CSDE1: variants seen among roughly 807,000 people sequenced by gnomAD.
The protein encoded by CSDE1 is cold shock domain containing E1.
In CSDE1, 17 loss-of-function variants were observed where a neutral mutation model predicts 89.3. The observed-to-expected ratio is 0.19, with a 90% confidence interval of 0.13 to 0.29. The LOEUF (loss-of-function observed/expected upper bound fraction) is 0.29, where lower values mean the gene tolerates loss of function less well. CSDE1 is among the 10% of genes least tolerant of loss of function. CSDE1 has a pLI of 1.00. For missense variants in CSDE1, 672 were observed against 984.2 expected, an observed-to-expected ratio of 0.68 and a Z score of 4.24; for synonymous variants, 322 against 332.8, an observed-to-expected ratio of 0.97 and a Z score of 0.35.
At chr1:114,733,254 G>A (rs956334999) in intron 9 of CSDE1, among the ~76,000 whole-genome samples, 7 of 152,002 alleles carry the variant, frequency 4.6e-5, no homozygotes, top group African/African-American at 1.2e-4. Context: ...TTGGCTGGGC[G>A]AGGTGGCTCA....
chr1:114,721,023 A>G (rs1363173368), intron 16 of CSDE1, among the ~76,000 whole-genome samples: 1 of 152,236 alleles, frequency 6.6e-6, no homozygotes, highest in African/African-American at 2.4e-5. Context: ...AATTTTAAGC[A>G]CTATGGGTTG....
chr1:114,752,595 A>C (rs900825517), intron 1 of CSDE1, among the ~76,000 whole-genome samples: 3 of 152,056 alleles, frequency 2.0e-5, no homozygotes, highest in Admixed American at 2.0e-4. Flanking sequence ...GAAGTCCATT[A>C]CCTCGCCTAA....
rs1660617618 is a variant in CSDE1 at position 114,739,761 on chromosome 1, C to G, written c.130G>C (p.Glu44Gln). 6.2e-7 allele frequency: 1 copy of G among 1,614,138 alleles called. No individual in the cohort carries two copies. Among genetic ancestry groups the G allele is most frequent in the Non-Finnish European group, 8.5e-7 (1 of 1,180,004 alleles). The change falls in exon 3 of 20, where the codon GAA (glutamate) becomes CAA (glutamine). Residue 44 changes from glutamate (E) to glutamine (Q), a missense_variant. Coordinates refer to ENST00000358528, the MANE Select transcript of CSDE1 (RefSeq NM_001007553.3). ...TGGAAGAAAAGTCTAGCTTGACGTT[C>G]TGAACACTGAATAAATCCGTAAGAG... The part of the protein sequence containing the change: ...LTSYGFIQCS[E>Q]RQARLFFHCS...
rs1159488845 is a variant in CSDE1, at chr1:114,737,963, T to G, written c.309A>C (p.Gln103His). ...EILPEERMNGQVVCAVPHNLE... is the reference protein window; with the variant it reads ...EILPEERMNGHVVCAVPHNLE... Reference sequence around the variant, plus strand: ...AACACAAAGCATCAAAGTCACTAACTTGTCCATTCATTCGTTCTTCAGGGA... The same window carrying G: ...AACACAAAGCATCAAAGTCACTAACGTGTCCATTCATTCGTTCTTCAGGGA... The change falls in exon 4 of 20, where the codon CAA becomes CAC. Residue 103 changes from glutamine (Q) to histidine (H), a missense_variant and splice_region_variant. Physicochemically the swap from Gln to His is conservative, Grantham distance 24. Transcript: ENST00000358528. 1 of 1,601,470 alleles carries G rather than the reference T, an allele frequency of 6.2e-7. No individual in the cohort carries two copies. Among genetic ancestry groups the G allele is most frequent in the Admixed American group, 1.7e-5 (1 of 60,014 alleles).
At position 114,733,834 on chromosome 1, in the gene CSDE1, G is replaced by A; in HGVS notation, c.735C>T (p.Val245=). The A allele has an allele frequency of 1.2e-6, 2 of 1,613,918 alleles. No homozygotes were observed. The highest frequency in any genetic ancestry group is 1.7e-6 in the Non-Finnish European group (2 of 1,179,894). Residue 245 remains valine (V), a synonymous_variant, in exon 9 of 20, where the codon GTC becomes GTT. Coordinates refer to ENST00000358528, the MANE Select transcript of CSDE1 (RefSeq NM_001007553.3). ...TGACTGTTCCTTGAGGCAATAGTCT[G>A]ACATCTGTTGCAACTTCTTTACCCT... ...DRNGKEVATD[V]RLLPQGTVIF...
At chr1:114,724,722 G>A (rs773043365) in intron 15 of CSDE1, among the ~76,000 whole-genome samples, 2 of 151,884 alleles carry the variant, frequency 1.3e-5, no homozygotes, top group Non-Finnish European at 2.9e-5. Context: ...ACATATCTTG[G>A]GGTTATTTTT....
At position 114,730,500 on chromosome 1, in the gene CSDE1, C is replaced by T. The variant is rs971164634; in HGVS notation, c.1191+8G>A. On this transcript the variant is annotated splice_region_variant and intron_variant, in intron 11 of 19. Coordinates refer to ENST00000358528, the MANE Select transcript of CSDE1 (RefSeq NM_001007553.3). ...AACACCTCCCAACTTTTCTCAGAAA[C>T]AACTCACAGGAACCACAGTAAACTC... is the stretch of plus-strand genomic sequence containing the variant. 1 of 1,613,138 alleles carries T rather than the reference C, an allele frequency of 6.2e-7. No individual in the cohort carries two copies.
chr1:114,736,469 C>CCCCT, intron 6 of CSDE1, among the ~76,000 whole-genome samples: 1 of 152,120 alleles, frequency 6.6e-6, no homozygotes, highest in East Asian at 1.9e-4. Flanking sequence ...AGTGACTATA[C>CCCCT]CCCTCCCTCA....
intron 2 of CSDE1, among the ~76,000 whole-genome samples, chr1:114,740,701 T>C (rs1660680158): frequency 1.3e-5 from 2 of 152,270 alleles, no homozygotes; most frequent in South Asian, 4.1e-4. Flanking sequence ...TAAAATACTA[T>C]CACATTGGAT....
chr1:114,733,067 CAGGA>C (rs1234912836), intron 9 of CSDE1, among the ~76,000 whole-genome samples: 1 of 152,088 alleles, frequency 6.6e-6, no homozygotes, highest in Non-Finnish European at 1.5e-5. Context: ...GGAATTTTTC[CAGGA>C]ATGACACCAC....
At chr1:114,738,613 C>T (rs1232651734) in intron 3 of CSDE1, among the ~76,000 whole-genome samples, 1 of 150,146 alleles carries the variant, frequency 6.7e-6, no homozygotes, top group Non-Finnish European at 1.5e-5. Context: ...TGCACAGAGG[C>T]CTCATAATTT....
intron 18 of CSDE1, 166 bp from the exon 19 acceptor site, chr1:114,718,911 T>A (rs970807890): frequency 3.6e-5 from 25 of 699,820 alleles, no homozygotes; most frequent in Non-Finnish European, 5.1e-5. Context: ...AGTTTGTTTA[T>A]GTATTATTAT....
chr1:114,742,355 G>A (rs1401063804), intron 2 of CSDE1, among the ~76,000 whole-genome samples: 2 of 152,100 alleles, frequency 1.3e-5, no homozygotes, highest in Non-Finnish European at 2.9e-5. Flanking sequence ...CAGGGAGGCC[G>A]GGGTGGACAT....
At chr1:114,720,268 C>T (rs1659442792) in intron 17 of CSDE1, 1 of 346,798 alleles carries the variant, frequency 2.9e-6, no homozygotes. Flanking sequence ...ACCATATAGT[C>T]CTTCTATTCT....
intron 2 of CSDE1, among the ~76,000 whole-genome samples, chr1:114,747,711 A>T (rs1661088019): frequency 6.6e-6 from 1 of 152,086 alleles, no homozygotes. Flanking sequence ...TACAAAAATA[A>T]GCCAGGCATG....
At chr1:114,741,773 A>G (rs1660739892) in intron 2 of CSDE1, 1 of 849,780 alleles carries the variant, frequency 1.2e-6, no homozygotes, top group South Asian at 3.7e-5. Context: ...AGCGAAATAT[A>G]AATTAGATTT....
At chr1:114,741,168 GT>G (rs1660707100) in intron 2 of CSDE1, among the ~76,000 whole-genome samples, 1 of 152,174 alleles carries the variant, frequency 6.6e-6, no homozygotes, top group African/African-American at 2.4e-5. Flanking sequence ...ACACAGAGAA[GT>G]TAAATGACTT....
intron 18 of CSDE1, 176 bp from the exon 19 acceptor site, chr1:114,718,921 T>C (rs540390496): frequency 1.7e-5 from 11 of 653,414 alleles, no homozygotes; most frequent in African/African-American, 1.5e-4. Flanking sequence ...TGTATTATTA[T>C]CCCCAACTCA....
rs957652301 is a variant in CSDE1, at chr1:114,717,564, T to C, written c.*605A>G. 2 of 152,618 alleles carry C rather than the reference T, an allele frequency of 1.3e-5. No homozygotes were observed. Among genetic ancestry groups the C allele is most frequent in the African/African-American group, 4.8e-5 (2 of 41,446 alleles). 9.5% of individuals were successfully genotyped at this position (152,618 alleles called of 1,614,324 possible). A position where few individuals can be genotyped will look rare whatever the true frequency, so the allele number is the denominator to read the frequency against. On this transcript the variant is annotated 3_prime_UTR_variant, in exon 20 of 20. Coordinates refer to ENST00000358528, the MANE Select transcript of CSDE1 (RefSeq NM_001007553.3). ...TTTCACTGAAATATAACCAAACTTCTTTAAGTGGATTGTGACAAGATTATA... is the reference window on the plus strand; with the variant it reads ...TTTCACTGAAATATAACCAAACTTCCTTAAGTGGATTGTGACAAGATTATA...
Sources: gnomAD v4.1 joint callset for allele counts (sites outside exome capture counted in the v4.1 genomes callset) on GRCh38, gnomAD v4.1.1 for gene constraint, MANE v1.5 for transcripts, NCBI Gene and HGNC (gene_info 2026-07-23, HGNC 2026-07-21) for gene names.